KCNG2: variants seen among roughly 807,000 people sequenced by gnomAD.
The protein encoded by KCNG2 is voltage-gated potassium channel regulatory subunit KCNG2.
KCNG2 carries 7 observed loss-of-function variants against 12.3 expected under a neutral mutation model. That is an observed-to-expected ratio of 0.57 (90% CI 0.32 to 1.07). The LOEUF (loss-of-function observed/expected upper bound fraction) is 1.07. Among genes scored for constraint, KCNG2 ranks in the 50% least tolerant of loss-of-function variants. The pLI, the probability that KCNG2 is intolerant of heterozygous loss-of-function variation, is 0.04. For synonymous variants in KCNG2, 414 were observed against 351.4 expected (o/e 1.18, Z -1.99); for missense variants, 703 against 726.0 (o/e 0.97, Z 0.36).
intron 3 of KCNG2, among the ~76,000 whole-genome samples, chr18:79,870,820 C>T (rs1568264867): frequency 6.6e-6 from 1 of 152,170 alleles, no homozygotes; most frequent in African/African-American, 2.4e-5. Flanking sequence ...TTCTTCTGCA[C>T]GTGGGCAGAC....
intron 1 of KCNG2, among the ~76,000 whole-genome samples, chr18:79,826,472 G>A (rs559022262): frequency 1.4e-4 from 21 of 150,078 alleles, no homozygotes; most frequent in Admixed American, 1.3e-3. Context: ...TACGTTCAGT[G>A]AAAGAACTGA....
chr18:79,815,354 C>T (rs574787225), intron 1 of KCNG2, among the ~76,000 whole-genome samples: 6 of 150,270 alleles, frequency 4.0e-5, no homozygotes, highest in Non-Finnish European at 8.8e-5. Flanking sequence ...GTGGGAGGAT[C>T]ACTTGAGCCT....
At chr18:79,865,657 G>A (rs1208032579) in intron 3 of KCNG2, among the ~76,000 whole-genome samples, 1 of 145,764 alleles carries the variant, frequency 6.9e-6, no homozygotes, top group Non-Finnish European at 1.5e-5. Flanking sequence ...TTTGCATGCT[G>A]AGAGATCTGT....
chr18:79,839,291 C>T (rs1978390503), intron 1 of KCNG2, among the ~76,000 whole-genome samples: 1 of 152,134 alleles, frequency 6.6e-6, no homozygotes, highest in Non-Finnish European at 1.5e-5. Flanking sequence ...AAGACCCTGA[C>T]TCTAAATGCA....
At chr18:79,850,946 C>T (rs923087739) in intron 1 of KCNG2, among the ~76,000 whole-genome samples, 2 of 152,240 alleles carry the variant, frequency 1.3e-5, no homozygotes, top group South Asian at 2.1e-4. Flanking sequence ...GCTCTCATGC[C>T]GAACATCCGT....
At chr18:79,873,930 G>A (rs1979965679) in intron 3 of KCNG2, among the ~76,000 whole-genome samples, 1 of 152,242 alleles carries the variant, frequency 6.6e-6, no homozygotes, top group Non-Finnish European at 1.5e-5. Context: ...CTCATGCTGA[G>A]GCCACTGAAG....
At position 79,899,333 on chromosome 18, in the gene KCNG2, G is replaced by T; in HGVS notation, c.918G>T (p.Leu306=). The T allele has an allele frequency of 6.4e-7, 1 of 1,552,662 alleles. No homozygotes were observed. Among genetic ancestry groups the T allele is most frequent in the South Asian group, 1.2e-5 (1 of 85,156 alleles). Residue 306 remains leucine, a synonymous_variant, in exon 4 of 4, where the codon CTG becomes CTT. Transcript: ENST00000316249. ...TGATGCGCCTGGCGCGCCACTCGCT[G>T]GGGCTGCGTTCGCTGGGCCTGACCA... ...LYVMRLARHS[L]GLRSLGLTMR... is the part of the protein sequence containing the mutation.
chr18:79,804,959 C>G (rs962320556), intron 1 of KCNG2, among the ~76,000 whole-genome samples: 9 of 152,198 alleles, frequency 5.9e-5, no homozygotes, highest in African/African-American at 2.2e-4. Flanking sequence ...CACACGCACA[C>G]ACACATACGG....
chr18:79,866,425 C>G (rs1979552646), intron 3 of KCNG2, among the ~76,000 whole-genome samples: 1 of 107,450 alleles, frequency 9.3e-6, no homozygotes, highest in African/African-American at 3.6e-5. Flanking sequence ...GCTGAGAGGT[C>G]TGGGTGCTGA....
intron 1 of KCNG2, among the ~76,000 whole-genome samples, chr18:79,842,457 A>G (rs930589568): frequency 2.6e-5 from 4 of 152,226 alleles, no homozygotes; most frequent in Non-Finnish European, 4.4e-5. Flanking sequence ...ATCATGAATA[A>G]TCAGGGAACA....
chr18:79,879,912 G>T (rs1305162793), intron 3 of KCNG2, among the ~76,000 whole-genome samples: 1 of 152,208 alleles, frequency 6.6e-6, no homozygotes, highest in Non-Finnish European at 1.5e-5. Context: ...TGGGTCGTAG[G>T]CGGGTGGCAC....
Position 79,899,423 on chromosome 18 carries a change from C to G in KCNG2, c.1008C>G (p.Phe336Leu). The G allele has an allele frequency of 6.3e-7, 1 of 1,589,166 alleles. No individual in the cohort carries two copies. The highest frequency in any genetic ancestry group is 8.5e-7 in the Non-Finnish European group (1 of 1,171,426). ...LLFLCVAMALFAPLVHLAERE... is the reference protein window; with the variant it reads ...LLFLCVAMALLAPLVHLAERE... ...TCCTCTGCGTGGCCATGGCGCTCTT[C>G]GCGCCACTGGTGCACCTGGCCGAGC... Residue 336 changes from phenylalanine (F) to leucine (L), a missense_variant, in exon 4 of 4, where the codon TTC becomes TTG. Transcript: ENST00000316249.
chr18:79,885,253 C>T (rs1045506720), intron 3 of KCNG2, among the ~76,000 whole-genome samples: 1 of 152,182 alleles, frequency 6.6e-6, no homozygotes, highest in Non-Finnish European at 1.5e-5. Flanking sequence ...GCCAAACAAT[C>T]TAGAGGGCGG....
Position 79,821,872 on chromosome 18 carries a change from T to C in KCNG2, c.-115+23858T>C, listed in dbSNP as rs550742611. ...GATTGGAAGTGTGAGGCCTCTATCA[T>C]TGCCCTTCTTTTTCAAAATTGTATT... is the stretch of plus-strand genomic sequence containing the variant. On this transcript the variant is annotated intron_variant, in intron 1 of 3. Transcript: ENST00000316249. 4.6e-5 allele frequency among the ~76,000 whole-genome samples: 7 copies of C among 152,364 alleles called. No homozygotes were observed. In the East Asian group the frequency reaches 1.3e-3, roughly 29 times the overall value.
chr18:79,821,584 C>T (rs1389800568), intron 1 of KCNG2, among the ~76,000 whole-genome samples: 1 of 152,192 alleles, frequency 6.6e-6, no homozygotes, highest in Non-Finnish European at 1.5e-5. Context: ...GCCACCACGC[C>T]TGGCCTTTTA....
chr18:79,867,877 A>G (rs12953738), intron 3 of KCNG2, among the ~76,000 whole-genome samples: 69,638 of 151,932 alleles, frequency 0.46, 18,486 homozygotes, highest in Non-Finnish European at 0.59. Context: ...GCCCCTGCCT[A>G]CCTGGGGGAC....
At chr18:79,831,971 G>A (rs980204530) in intron 1 of KCNG2, among the ~76,000 whole-genome samples, 7 of 152,218 alleles carry the variant, frequency 4.6e-5, no homozygotes, top group East Asian at 1.9e-4. Flanking sequence ...AATGCAAGGA[G>A]CAGCCGTCAG....
chr18:79,828,072 C>T (rs1006309889), intron 1 of KCNG2, among the ~76,000 whole-genome samples: 1 of 152,012 alleles, frequency 6.6e-6, no homozygotes, highest in African/African-American at 2.4e-5. Context: ...TACAGGCACG[C>T]ACCAACACAC....
chr18:79,821,976 G>A (rs1380924525), intron 1 of KCNG2, among the ~76,000 whole-genome samples: 8 of 152,074 alleles, frequency 5.3e-5, no homozygotes, highest in Non-Finnish European at 1.0e-4. Flanking sequence ...ACTGTTTTTT[G>A]TAGGCCATTC....
Sources: gnomAD v4.1 joint callset for allele counts (sites outside exome capture counted in the v4.1 genomes callset) on GRCh38, gnomAD v4.1.1 for gene constraint, MANE v1.5 for transcripts, NCBI Gene and HGNC (gene_info 2026-07-23, HGNC 2026-07-21) for gene names.